POLQ: variants seen among roughly 807,000 people sequenced by gnomAD.
The protein encoded by POLQ is DNA polymerase theta.
POLQ carries 233 observed loss-of-function variants against 259.2 expected under a neutral mutation model. The observed-to-expected ratio is 0.90, with a 90% CI of 0.81 to 1.00. The LOEUF (loss-of-function observed/expected upper bound fraction) is 1.00. Among genes scored for constraint, POLQ ranks in the 50% least tolerant of loss-of-function variants. The pLI, the probability that POLQ is intolerant of heterozygous loss-of-function variation, is 0.00. For missense variants in POLQ, 2,871 were observed against 3,051.6 expected, an observed-to-expected ratio of 0.94 and a Z score of 1.39; for synonymous variants, 1,025 against 1,048.8, an observed-to-expected ratio of 0.98 and a Z score of 0.44.
intron 26 of POLQ, among the ~76,000 whole-genome samples, chr3:121,442,721 G>A (rs1179020967): frequency 6.6e-6 from 1 of 152,080 alleles, no homozygotes; most frequent in East Asian, 1.9e-4. Context: ...TCCAAATCCT[G>A]GCTATTGTGA....
intron 12 of POLQ, among the ~76,000 whole-genome samples, chr3:121,503,129 A>G (rs2048185154): frequency 1.3e-5 from 2 of 152,224 alleles, no homozygotes; most frequent in South Asian, 4.1e-4. Flanking sequence ...AGCATGTTGC[A>G]TTACCTTTTC....
intron 27 of POLQ, among the ~76,000 whole-genome samples, chr3:121,438,230 T>C (rs1485672246): frequency 2.0e-5 from 3 of 152,224 alleles, no homozygotes; most frequent in Non-Finnish European, 4.4e-5. Context: ...TGGAATATTT[T>C]TCCTCAGCAG....
Position 121,473,448 on chromosome 3 carries a change from T to G in POLQ, c.6445A>C (p.Met2149Leu). 6.2e-7 allele frequency: 1 copy of G among 1,613,730 alleles called. No individual in the cohort carries two copies. Among genetic ancestry groups the G allele is most frequent in the Non-Finnish European group, 8.5e-7 (1 of 1,179,660 alleles). ...LELKLPPNRE[M>L]KNQGSKKTLG... ...GTTTTCTTGCTGCCTTGGTTTTTCATCTCTCTATTTGGGGGCAACTTCAAT... is the reference window on the plus strand; with the variant it reads ...GTTTTCTTGCTGCCTTGGTTTTTCAGCTCTCTATTTGGGGGCAACTTCAAT... Residue 2149 changes from methionine to leucine, a missense_variant, in exon 21 of 30, where the codon ATG (methionine) becomes CTG (leucine). Met to Leu is a conservative substitution (Grantham distance 15). Transcript: ENST00000264233.
At chr3:121,456,391 G>C (rs540421027) in intron 25 of POLQ, among the ~76,000 whole-genome samples, 2 of 151,996 alleles carry the variant, frequency 1.3e-5, no homozygotes, top group South Asian at 4.2e-4. Flanking sequence ...AGGGCAATCA[G>C]GCAGGAGAAG....
intron 12 of POLQ, among the ~76,000 whole-genome samples, chr3:121,502,195 T>G (rs930799367): frequency 6.6e-6 from 1 of 152,136 alleles, no homozygotes; most frequent in African/African-American, 2.4e-5. Context: ...ATATGCATAT[T>G]TTTGTACTGT....
At chr3:121,457,403 G>C (rs1018328763) in intron 25 of POLQ, among the ~76,000 whole-genome samples, 1 of 152,144 alleles carries the variant, frequency 6.6e-6, no homozygotes, top group African/African-American at 2.4e-5. Context: ...TTAAACTAAC[G>C]AGCTTCTGCA....
intron 17 of POLQ, among the ~76,000 whole-genome samples, chr3:121,484,539 A>G (rs957154081): frequency 2.6e-5 from 4 of 152,216 alleles, no homozygotes; most frequent in African/African-American, 9.6e-5. Context: ...AGAAGTAAGG[A>G]AGTGCTTCTT....
intron 2 of POLQ, among the ~76,000 whole-genome samples, chr3:121,543,385 C>T (rs1056490875): frequency 6.6e-6 from 1 of 152,190 alleles, no homozygotes; most frequent in Non-Finnish European, 1.5e-5. Context: ...TTAATCAACT[C>T]TAAGTACTAC....
intron 27 of POLQ, among the ~76,000 whole-genome samples, chr3:121,438,048 G>A (rs902119421): frequency 6.6e-6 from 1 of 152,178 alleles, no homozygotes; most frequent in African/African-American, 2.4e-5. Context: ...TCTATTTCTT[G>A]CCCTGAGTGG....
chr3:121,485,255 T>A, intron 16 of POLQ, 71 bp from the exon 17 acceptor site: 1 of 1,086,466 alleles, frequency 9.2e-7, no homozygotes, highest in African/African-American at 1.6e-5. Flanking sequence ...GTTAAAACAA[T>A]TATAATAAAA....
intron 25 of POLQ, 29 bp from the exon 26 acceptor site, chr3:121,449,455 G>T: frequency 8.4e-7 from 1 of 1,196,672 alleles, no homozygotes; most frequent in Non-Finnish European, 1.2e-6. Flanking sequence ...ACAAATAAAG[G>T]TTATAAGTAC....
Position 121,537,153 on chromosome 3 carries a change from C to G in POLQ, c.687G>C (p.Leu229=). Residue 229 remains leucine (L), a synonymous_variant, in exon 5 of 30, where the codon CTG becomes CTC. Transcript: ENST00000264233. The part of the protein sequence containing the change: ...HMLGDSHRGY[L]LELLLTKICY... ...AAATCTTGGTCAGCAAAAGTTCCAG[C>G]AGATACCCTCGGTGAGAGTCTCCCA... The G allele has an allele frequency of 6.2e-7, 1 of 1,608,148 alleles. No homozygotes were observed. Among genetic ancestry groups the G allele is most frequent in the Non-Finnish European group, 8.5e-7 (1 of 1,174,770 alleles).
chr3:121,498,735 C>A (rs1158252708), intron 12 of POLQ, 65 bp from the exon 13 acceptor site: 28 of 1,117,486 alleles, frequency 2.5e-5, no homozygotes, highest in Non-Finnish European at 3.5e-5. Context: ...TTATATACAA[C>A]CTTCATATTA....
At position 121,489,855 on chromosome 3, in the gene POLQ, C is replaced by A. The variant is rs141772880; in HGVS notation, c.3076G>T (p.Ala1026Ser). 3 of 1,607,214 alleles carry A rather than the reference C, an allele frequency of 1.9e-6. No homozygotes were observed. Among genetic ancestry groups the A allele is most frequent in the African/African-American group, 1.3e-5 (1 of 74,280 alleles). Residue 1026 changes from alanine (A) to serine (S), a missense_variant, in exon 16 of 30, where the codon GCA becomes TCA. Ala to Ser is a moderately conservative substitution (Grantham distance 99, BLOSUM62 1). This residue lies in a region of POLQ where 2,080 missense variants were observed against 2,126.0 expected (regional missense o/e 0.98). Transcript: ENST00000264233. ...TTTTCTGAATTGAAATTCAAAGGTG[C>A]CTTTTTTGTTTTCTGTGAAAAAGTC... is the stretch of plus-strand genomic sequence containing the variant. The part of the protein sequence containing the change: ...VQTFSQKTKK[A>S]PLNFNSEKMS...
intron 7 of POLQ, among the ~76,000 whole-genome samples, chr3:121,524,258 C>A (rs933044395): frequency 2.0e-5 from 3 of 152,166 alleles, no homozygotes; most frequent in Non-Finnish European, 4.4e-5. Context: ...AGAGATGATA[C>A]ACTGTTAGAC....
In POLQ at chr3:121,496,662, G is replaced by T. The variant is rs2048126787; in HGVS notation, c.2278+146C>A. On this transcript the variant is annotated intron_variant, in intron 14 of 29. Coordinates refer to ENST00000264233, the MANE Select transcript of POLQ (RefSeq NM_199420.4). The stretch of plus-strand genomic sequence containing the variant: ...CTGAGCCCTGAGGAGCCATAGTTTT[G>T]AATTTTCTGATGATGACAAGAACTG... The T allele has an allele frequency of 1.3e-5, 10 of 780,198 alleles. No individual in the cohort carries two copies. The South Asian group carries it at 1.9e-4, about 15-fold the overall frequency. 48.3% of individuals were successfully genotyped at this position (780,198 alleles called of 1,614,324 possible). A position where few individuals can be genotyped will look rare whatever the true frequency, so the allele number is the denominator to read the frequency against.
At chr3:121,454,237 A>G (rs1202288874) in intron 25 of POLQ, among the ~76,000 whole-genome samples, 3 of 152,244 alleles carry the variant, frequency 2.0e-5, no homozygotes, top group African/African-American at 7.2e-5. Flanking sequence ...AGGAAGCACT[A>G]AACATGGAAA....
chr3:121,539,238 C>T (rs189241610), intron 4 of POLQ, among the ~76,000 whole-genome samples, 195 bp downstream of exon 4: 7 of 152,186 alleles, frequency 4.6e-5, no homozygotes, highest in African/African-American at 7.2e-5. Flanking sequence ...TGCAACGTAA[C>T]GGAGTCAATA....
At chr3:121,538,617 C>T (rs1345287666) in intron 4 of POLQ, among the ~76,000 whole-genome samples, 2 of 151,808 alleles carry the variant, frequency 1.3e-5, no homozygotes, top group Non-Finnish European at 2.9e-5. Flanking sequence ...TTCTGCCTGC[C>T]GTGTGCCAAG....
Sources: gnomAD v4.1 joint callset for allele counts (sites outside exome capture counted in the v4.1 genomes callset) on GRCh38, gnomAD v4.1.1 for gene constraint, gnomAD v4.1.1 regional missense constraint, MANE v1.5 for transcripts, NCBI Gene and HGNC (gene_info 2026-07-23, HGNC 2026-07-21) for gene names.